The following SLC9B1 variants were observed in gnomAD, a reference collection of about 807,000 sequenced individuals.
SLC9B1 encodes sodium/hydrogen exchanger 9B1.
In SLC9B1, 32 loss-of-function variants were observed where a neutral mutation model predicts 51.7. The ratio of observed to expected loss-of-function variants is 0.62; its 90% CI spans 0.47 to 0.83. SLC9B1 has a LOEUF of 0.83. Among genes scored for constraint, SLC9B1 ranks in the 40% least tolerant of loss-of-function variants. SLC9B1 has a pLI of 0.00. For synonymous variants in SLC9B1, 145 were observed against 212.7 expected (o/e 0.68, Z 2.77); for missense variants, 406 against 613.2 (o/e 0.66, Z 3.57).
chr4:102,905,099 A>G (rs1332256735), intron 11 of SLC9B1, among the ~76,000 whole-genome samples: 1 of 152,088 alleles, frequency 6.6e-6, no homozygotes, highest in Non-Finnish European at 1.5e-5. Context: ...GGCTGCAGTG[A>G]GCTGTGATCA....
chr4:103,014,903 C>T (rs183893956), intron 1 of SLC9B1: 5 of 152,276 alleles, frequency 3.3e-5, no homozygotes, highest in East Asian at 1.9e-4. Context: ...CTTAACCTCT[C>T]TGAGTCTCAA....
At chr4:102,927,239 A>C (rs1736230994) in intron 7 of SLC9B1, among the ~76,000 whole-genome samples, 1 of 152,248 alleles carries the variant, frequency 6.6e-6, no homozygotes, top group Admixed American at 6.5e-5. Context: ...CAGAAGCCAA[A>C]ATTGAGAAAT....
intron 3 of SLC9B1, among the ~76,000 whole-genome samples, chr4:102,978,115 A>G (rs1422816832): frequency 6.6e-6 from 1 of 152,142 alleles, no homozygotes; most frequent in African/African-American, 2.4e-5. Flanking sequence ...AGCTTCATCC[A>G]TGTCCCTACA....
intron 7 of SLC9B1, among the ~76,000 whole-genome samples, chr4:102,916,053 C>A (rs1426754661): frequency 6.6e-6 from 1 of 152,082 alleles, no homozygotes; most frequent in African/African-American, 2.4e-5. Context: ...GCAAGACATA[C>A]ATAAAACAAT....
intron 7 of SLC9B1, among the ~76,000 whole-genome samples, chr4:102,929,826 A>C (rs1484404880): frequency 6.6e-6 from 1 of 152,242 alleles, no homozygotes; most frequent in African/African-American, 2.4e-5. Context: ...CCGGCCTGGA[A>C]ATATTTTTTT....
chr4:103,018,337 A>G (rs908739322), intron 1 of SLC9B1, among the ~76,000 whole-genome samples: 1 of 152,190 alleles, frequency 6.6e-6, no homozygotes, highest in African/African-American at 2.4e-5. Context: ...CCACTGTGCA[A>G]TATATCCACA....
intron 7 of SLC9B1, among the ~76,000 whole-genome samples, chr4:102,926,187 A>T (rs1488008516): frequency 5.3e-5 from 8 of 152,292 alleles, no homozygotes; most frequent in African/African-American, 1.9e-4. Flanking sequence ...AAACCGGCAC[A>T]AGACAAGGAT....
chr4:102,997,935 C>A (rs946856860), intron 1 of SLC9B1, among the ~76,000 whole-genome samples: 1 of 152,048 alleles, frequency 6.6e-6, no homozygotes, highest in Non-Finnish European at 1.5e-5. Flanking sequence ...GCTATGATTC[C>A]TTTGATAATA....
downstream of SLC9B1, among the ~76,000 whole-genome samples, chr4:102,896,267 T>TGG (rs1172015437): frequency 1.3e-5 from 2 of 152,198 alleles, no homozygotes; most frequent in Non-Finnish European, 2.9e-5. Context: ...CTCAATCCTC[T>TGG]GGTCCATCTC....
chr4:102,989,466 A>T (rs959389720), intron 3 of SLC9B1, among the ~76,000 whole-genome samples: 14 of 152,100 alleles, frequency 9.2e-5, no homozygotes, highest in African/African-American at 3.4e-4. Flanking sequence ...TTATTTCCAA[A>T]ATTATAATGT....
At chr4:102,994,047 C>T (rs1009112948) in intron 1 of SLC9B1, among the ~76,000 whole-genome samples, 4 of 152,290 alleles carry the variant, frequency 2.6e-5, no homozygotes, top group Middle Eastern at 3.4e-3. Flanking sequence ...CTGAAAATGC[C>T]CTGGAGACAT....
intron 11 of SLC9B1, among the ~76,000 whole-genome samples, chr4:102,886,767 C>A (rs1733945244): frequency 7.1e-6 from 1 of 140,738 alleles, no homozygotes; most frequent in Non-Finnish European, 1.6e-5. Context: ...GGCGTATGCA[C>A]CACGCCCAGC....
At chr4:102,986,361 T>C (rs1431599159) in intron 3 of SLC9B1, among the ~76,000 whole-genome samples, 1 of 152,122 alleles carries the variant, frequency 6.6e-6, no homozygotes, top group Non-Finnish European at 1.5e-5. Context: ...CTTTGCTCTT[T>C]TATGGGTAGT....
At chr4:103,018,299 T>C (rs1379504716) in intron 1 of SLC9B1, among the ~76,000 whole-genome samples, 1 of 152,196 alleles carries the variant, frequency 6.6e-6, no homozygotes, top group African/African-American at 2.4e-5. Flanking sequence ...GCAGTATAAA[T>C]TCTGGTACTC....
intron 7 of SLC9B1, among the ~76,000 whole-genome samples, chr4:102,918,958 G>T (rs533590182): frequency 1.1e-3 from 166 of 152,306 alleles, no homozygotes; most frequent in African/African-American, 3.8e-3. Flanking sequence ...CAAGGCTTGG[G>T]GATTGAACTC....
downstream of SLC9B1, among the ~76,000 whole-genome samples, chr4:102,898,486 TC>T (rs1205991784): frequency 1.3e-5 from 2 of 152,242 alleles, no homozygotes; most frequent in African/African-American, 4.8e-5. Flanking sequence ...GCAATGCTTT[TC>T]AGACTCTGTG....
chr4:102,898,356 G>GA (rs1266480789), downstream of SLC9B1: 1 of 266,410 alleles, frequency 3.8e-6, no homozygotes, highest in African/African-American at 2.3e-5. Context: ...ATTTAAAAAG[G>GA]AAACTTTGAA....
At chr4:102,919,930 C>G (rs2110442178) in intron 7 of SLC9B1, among the ~76,000 whole-genome samples, 1 of 152,346 alleles carries the variant, frequency 6.6e-6, no homozygotes, top group East Asian at 1.9e-4. Flanking sequence ...GAGCCCACTG[C>G]AGCTCAACAA....
At chr4:102,906,749 G>C (rs1303717029) in intron 9 of SLC9B1, 105 bp from the exon 10 acceptor site, 1 of 693,030 alleles carries the variant, frequency 1.4e-6, no homozygotes, top group African/African-American at 1.9e-5. Context: ...AAGTATTTTA[G>C]AGATGGGGTC....
Sources: allele counts gnomAD v4.1 joint callset (sites outside exome capture counted in the v4.1 genomes callset), GRCh38; gene constraint gnomAD v4.1.1; transcripts MANE v1.5; gene names NCBI Gene and HGNC (gene_info 2026-07-23, HGNC 2026-07-21).